Variants in NR2C2 observed in about 807,000 individuals in gnomAD.
NR2C2 encodes Nuclear hormone receptor TR4.
Under a neutral mutation model 62.9 loss-of-function variants are expected in NR2C2, and 6 were observed. That is an observed-to-expected ratio of 0.10 (90% CI 0.05 to 0.19). NR2C2 has a LOEUF of 0.19. NR2C2 is among the 10% of genes least tolerant of loss of function. NR2C2 has a pLI of 1.00. For synonymous variants in NR2C2, 272 were observed against 273.8 expected, an observed-to-expected ratio of 0.99 and a Z score of 0.07; for missense variants, 479 against 762.7, an observed-to-expected ratio of 0.63 and a Z score of 4.38.
intron 1 of NR2C2, among the ~76,000 whole-genome samples, chr3:14,999,965 T>A (rs572555481): frequency 6.6e-6 from 1 of 152,330 alleles, no homozygotes; most frequent in Admixed American, 6.5e-5. Context: ...CTACAATGTG[T>A]AAAAATTAAA....
chr3:14,949,690 C>T (rs1251334549), intron 1 of NR2C2, among the ~76,000 whole-genome samples: 1 of 152,178 alleles, frequency 6.6e-6, no homozygotes, highest in Non-Finnish European at 1.5e-5. Context: ...TACGAATACT[C>T]CAGGCACTAT....
intron 8 of NR2C2, 52 bp downstream of exon 8, chr3:15,028,771 C>G: frequency 6.3e-7 from 1 of 1,586,472 alleles, no homozygotes; most frequent in Non-Finnish European, 8.6e-7. Flanking sequence ...CACCCTCCCT[C>G]TATTGTGAGG....
intron 12 of NR2C2, 190 bp from the exon 13 acceptor site, chr3:15,038,932 G>T: frequency 1.7e-6 from 1 of 582,252 alleles, no homozygotes; most frequent in South Asian, 2.3e-5. Flanking sequence ...CCGCTCCCAG[G>T]AACTTCAGGC....
intron 1 of NR2C2, among the ~76,000 whole-genome samples, chr3:14,982,719 T>A (rs1030653282): frequency 2.6e-5 from 4 of 152,190 alleles, no homozygotes; most frequent in African/African-American, 9.6e-5. Flanking sequence ...TATCTATGAT[T>A]TAATGACAGT....
chr3:15,016,097 C>T (rs781715831), intron 3 of NR2C2, 55 bp from the exon 4 acceptor site: 11 of 1,377,252 alleles, frequency 8.0e-6, no homozygotes, highest in African/African-American at 2.8e-5. Flanking sequence ...CCACCGTGCC[C>T]GGCAGTGATT....
At chr3:14,952,764 C>T (rs1399172819) in intron 1 of NR2C2, among the ~76,000 whole-genome samples, 2 of 152,178 alleles carry the variant, frequency 1.3e-5, no homozygotes, top group East Asian at 3.9e-4. Context: ...CTGTCATTCT[C>T]TCCCATCCTG....
chr3:15,016,016 G>A (rs2041500310), intron 3 of NR2C2, 136 bp from the exon 4 acceptor site: 1 of 627,574 alleles, frequency 1.6e-6, no homozygotes, highest in South Asian at 1.8e-5. Flanking sequence ...TAGTCAGGCT[G>A]GTCTCGAACT....
At chr3:14,994,419 G>T (rs7647246) in intron 1 of NR2C2, among the ~76,000 whole-genome samples, 10,856 of 140,710 alleles carry the variant, frequency 0.077, 454 homozygotes, top group Middle Eastern at 0.13. Flanking sequence ...GGTTGAATTC[G>T]TTGTTGTTGT....
At chr3:14,969,962 C>A (rs377170045) in intron 1 of NR2C2, among the ~76,000 whole-genome samples, 2 of 152,196 alleles carry the variant, frequency 1.3e-5, no homozygotes, top group Non-Finnish European at 2.9e-5. Flanking sequence ...GTTGGGTTTT[C>A]AGTGTGCTGG....
intron 1 of NR2C2, among the ~76,000 whole-genome samples, chr3:14,950,146 A>G (rs1172551523): frequency 1.3e-5 from 2 of 152,246 alleles, no homozygotes; most frequent in Non-Finnish European, 2.9e-5. Context: ...GGACTAATTA[A>G]GTGATATAAA....
chr3:15,010,198 A>C (rs1400318164), intron 2 of NR2C2, among the ~76,000 whole-genome samples: 2 of 152,012 alleles, frequency 1.3e-5, no homozygotes, highest in Non-Finnish European at 1.5e-5. Context: ...ATTAAATAGG[A>C]ATCTATCTGT....
At chr3:15,036,015 G>A (rs938585032) in intron 11 of NR2C2, among the ~76,000 whole-genome samples, 5 of 151,980 alleles carry the variant, frequency 3.3e-5, no homozygotes, top group East Asian at 1.9e-4. Context: ...GCAACAGAGC[G>A]AGACTCTGTC....
chr3:15,009,263 C>T (rs2041282857), intron 2 of NR2C2, among the ~76,000 whole-genome samples: 1 of 152,046 alleles, frequency 6.6e-6, no homozygotes, highest in Admixed American at 6.6e-5. Flanking sequence ...CTAGAAAAAG[C>T]CTTGTAGATT....
At chr3:14,978,179 C>T (rs1296234164) in intron 1 of NR2C2, among the ~76,000 whole-genome samples, 3 of 152,202 alleles carry the variant, frequency 2.0e-5, no homozygotes, top group Admixed American at 2.0e-4. Flanking sequence ...TAAGCACCCA[C>T]ACCGTAAGCT....
At chr3:15,034,951 C>T (rs2042068075) in intron 11 of NR2C2, 142 bp downstream of exon 11, 1 of 810,970 alleles carries the variant, frequency 1.2e-6, no homozygotes, top group South Asian at 1.9e-5. Flanking sequence ...TGGATAGCCT[C>T]AGTTTCCCAC....
intron 11 of NR2C2, among the ~76,000 whole-genome samples, chr3:15,037,427 A>G (rs1278171549): frequency 6.6e-6 from 1 of 152,158 alleles, no homozygotes; most frequent in Non-Finnish European, 1.5e-5. Context: ...TATTGTCATG[A>G]GGATTAAATG....
At chr3:14,954,738 G>A (rs1012970658) in intron 1 of NR2C2, among the ~76,000 whole-genome samples, 7 of 152,134 alleles carry the variant, frequency 4.6e-5, no homozygotes, top group Non-Finnish European at 8.8e-5. Flanking sequence ...GGGGGTATTG[G>A]TAATGTCTTG....
intron 5 of NR2C2, among the ~76,000 whole-genome samples, chr3:15,021,515 G>C (rs1272629350): frequency 6.6e-6 from 1 of 152,128 alleles, no homozygotes; most frequent in Non-Finnish European, 1.5e-5. Flanking sequence ...GAATTTTGGG[G>C]GTTTTCAGGG....
rs140545043 is a variant in NR2C2, at chr3:15,015,178, C to T, written c.274-974C>T. ...GAAAGAATGGCTGTTGATTTTGTTG[C>T]ATGTTTCACAAGAGGTGATTCTACT... On this transcript the variant is annotated intron_variant, in intron 3 of 13. Transcript: ENST00000425241. 4.4e-3 allele frequency among the ~76,000 whole-genome samples: 675 copies of T among 152,320 alleles called. 1 individual carries two copies. The highest frequency in any genetic ancestry group is 0.016 in the African/African-American group (645 of 41,558).
Sources: gnomAD v4.1 joint callset for allele counts (sites outside exome capture counted in the v4.1 genomes callset) on GRCh38, gnomAD v4.1.1 for gene constraint, MANE v1.5 for transcripts, NCBI Gene and HGNC (gene_info 2026-07-23, HGNC 2026-07-21) for gene names.